ARK2C: variants seen among roughly 807,000 people sequenced by gnomAD.
The protein encoded by ARK2C is E3 ubiquitin-protein ligase ARK2C.
chr18:46,358,304 G>A, the ARK2C span, among the ~76,000 whole-genome samples: 3 of 152,280 alleles, frequency 2.0e-5, no homozygotes, highest in South Asian at 4.1e-4. Flanking sequence ...CTGTCTGAGA[G>A]AATCCAGGTA....
At chr18:46,383,550 G>GTTTTTTTTTT in the ARK2C span, among the ~76,000 whole-genome samples, 91 of 97,876 alleles carry the variant, frequency 9.3e-4, no homozygotes, top group African/African-American at 1.1e-3. Flanking sequence ...GGTTTTCTCT[G>GTTTTTTTTTT]TTTTTTTTTT....
chr18:46,383,715 C>T, the ARK2C span, among the ~76,000 whole-genome samples: 33,726 of 152,028 alleles, frequency 0.22, 4,126 homozygotes, highest in East Asian at 0.46. Flanking sequence ...CCACCGCGCC[C>T]GGCTAATTTT....
the ARK2C span, chr18:46,447,369 C>T: frequency 9.6e-6 from 6 of 624,032 alleles, no homozygotes; most frequent in Admixed American, 2.9e-5. Flanking sequence ...TCAGACCTTT[C>T]AGAGTCCTTT....
chr18:46,334,703 TGTGTGTGTGTGTGAGA>T, the ARK2C span: 48 of 312,056 alleles, frequency 1.5e-4, no homozygotes, highest in African/African-American at 9.5e-4. This position sits in a 1 kb window ranked among gnomAD's most constrained non-coding sequence, Gnocchi z 4.4. Flanking sequence ...TGTGTGTGTG[TGTGTGTGTGTGTGAGA>T]GAGAGAGAGA....
chr18:46,334,950 T>G, the ARK2C span: 1 of 153,594 alleles, frequency 6.5e-6, no homozygotes, highest in Non-Finnish European at 1.4e-5. This position sits in a 1 kb window ranked among gnomAD's most constrained non-coding sequence, Gnocchi z 4.4. Context: ...TTAACCCTTT[T>G]TGTGCATCGC....
chr18:46,350,315 G>A, the ARK2C span, among the ~76,000 whole-genome samples: 1 of 152,200 alleles, frequency 6.6e-6, no homozygotes, highest in Non-Finnish European at 1.5e-5. Flanking sequence ...TTGATACCAG[G>A]CCACATTTGG....
the ARK2C span, among the ~76,000 whole-genome samples, chr18:46,370,184 T>C: frequency 6.6e-6 from 1 of 152,188 alleles, no homozygotes; most frequent in Non-Finnish European, 1.5e-5. Context: ...TAATTAACAT[T>C]TGTGAGGACC....
At chr18:46,449,125 A>G in the ARK2C span, among the ~76,000 whole-genome samples, 2 of 152,204 alleles carry the variant, frequency 1.3e-5, no homozygotes, top group African/African-American at 4.8e-5. Flanking sequence ...CTCCCACAAA[A>G]GAGTATTATC....
chr18:46,384,580 G>A, the ARK2C span, among the ~76,000 whole-genome samples: 1 of 152,058 alleles, frequency 6.6e-6, no homozygotes, highest in Non-Finnish European at 1.5e-5. Flanking sequence ...CACACATAAT[G>A]CCTCCCATAT....
chr18:46,366,319 A>G, the ARK2C span, among the ~76,000 whole-genome samples: 1 of 133,890 alleles, frequency 7.5e-6, no homozygotes, highest in Non-Finnish European at 1.5e-5. Context: ...AAAAAAAAAA[A>G]TAGAGAGAGA....
At chr18:46,368,392 C>A in the ARK2C span, among the ~76,000 whole-genome samples, 1 of 152,178 alleles carries the variant, frequency 6.6e-6, no homozygotes, top group Admixed American at 6.5e-5. Context: ...CCCCCAGAAC[C>A]ACTGGGTGGG....
chr18:46,447,333 A>G, the ARK2C span: 4 of 468,672 alleles, frequency 8.5e-6, no homozygotes, highest in Non-Finnish European at 7.5e-6. Flanking sequence ...AAGAAATTTC[A>G]TAGAGCCTGG....
At chr18:46,456,122 G>GC in the ARK2C span, 1 of 1,232,666 alleles carries the variant, frequency 8.1e-7, no homozygotes, top group Non-Finnish European at 1.2e-6. Context: ...CTCTCTTATA[G>GC]GTATTGGTGA....
At chr18:46,334,671 CGTGTGTGTGTGTGTGTGTGTGT>C in the ARK2C span, 12 of 304,808 alleles carry the variant, frequency 3.9e-5, no homozygotes, top group African/African-American at 3.1e-4. This position sits in a 1 kb window ranked among gnomAD's most constrained non-coding sequence, Gnocchi z 4.4. Context: ...GATACATGAC[CGTGTGTGTGTGTGTGTGTGTGT>C]GTGTGTGTGT....
chr18:46,383,183 G>A, the ARK2C span, among the ~76,000 whole-genome samples: 1 of 152,252 alleles, frequency 6.6e-6, no homozygotes, highest in Non-Finnish European at 1.5e-5. Context: ...AAAGGGAGAT[G>A]CCGTCAGGCC....
At chr18:46,345,197 C>T in the ARK2C span, among the ~76,000 whole-genome samples, 48 of 152,044 alleles carry the variant, frequency 3.2e-4, no homozygotes, top group Admixed American at 5.2e-4. Context: ...AGTTTGCGCC[C>T]GCTGGAACCT....
chr18:46,442,174 A>AAC, the ARK2C span, among the ~76,000 whole-genome samples: 1 of 151,296 alleles, frequency 6.6e-6, no homozygotes, highest in Non-Finnish European at 1.5e-5. Flanking sequence ...AAAAAAAAAA[A>AAC]AAGAAAAAGA....
At chr18:46,372,665 G>A in the ARK2C span, among the ~76,000 whole-genome samples, 1 of 152,152 alleles carries the variant, frequency 6.6e-6, no homozygotes. Context: ...AGAATTGGGG[G>A]GCAGAGACGC....
At chr18:46,430,787 C>T in the ARK2C span, among the ~76,000 whole-genome samples, 2 of 152,160 alleles carry the variant, frequency 1.3e-5, no homozygotes, top group Non-Finnish European at 2.9e-5. Flanking sequence ...TCTTCAAGAG[C>T]TTCCTGTTGT....
Sources: allele counts gnomAD v4.1 joint callset (sites outside exome capture counted in the v4.1 genomes callset), GRCh38; gene constraint gnomAD v4.1.1; non-coding constraint Gnocchi (gnomAD v3.1); transcripts MANE v1.5; gene names NCBI Gene and HGNC (gene_info 2026-07-23, HGNC 2026-07-21).